TLE1: variants seen among roughly 807,000 people sequenced by gnomAD.
TLE1 encodes the protein transducin-like enhancer protein 1.
TLE1 carries 21 observed loss-of-function variants against 89.8 expected under a neutral mutation model. That is an observed-to-expected ratio of 0.23 (90% CI 0.17 to 0.34). TLE1 has a LOEUF of 0.34. Among genes scored for constraint, TLE1 ranks in the 10% least tolerant of loss-of-function variants. TLE1 has a pLI of 1.00. For missense variants in TLE1, 795 were observed against 1,031.2 expected, an observed-to-expected ratio of 0.77 and a Z score of 3.14; for synonymous variants, 447 against 407.6, an observed-to-expected ratio of 1.10 and a Z score of -1.16.
At chr9:81,624,268 A>G (rs1388537099) in intron 8 of TLE1, among the ~76,000 whole-genome samples, 1 of 152,190 alleles carries the variant, frequency 6.6e-6, no homozygotes, top group Non-Finnish European at 1.5e-5. Flanking sequence ...TTAAATGAAC[A>G]TTTTAAACTC....
intron 14 of TLE1, 147 bp downstream of exon 14, chr9:81,610,073 T>A (rs1388405698): frequency 3.0e-6 from 2 of 663,524 alleles, no homozygotes. Context: ...TGCCTATTTA[T>A]AGAAAGTGTT....
intron 4 of TLE1, among the ~76,000 whole-genome samples, chr9:81,659,553 A>G (rs2132727375): frequency 6.6e-6 from 1 of 152,314 alleles, no homozygotes; most frequent in East Asian, 1.9e-4. Flanking sequence ...AGGCTCCAGC[A>G]ACAAGACTTT....
At chr9:81,646,728 G>A (rs1258694276) in intron 6 of TLE1, among the ~76,000 whole-genome samples, 4 of 152,140 alleles carry the variant, frequency 2.6e-5, no homozygotes, top group African/African-American at 9.7e-5. Flanking sequence ...CAATCTCTTA[G>A]GGATAGACAG....
intron 16 of TLE1, among the ~76,000 whole-genome samples, chr9:81,589,758 T>TA (rs1055479975): frequency 2.4e-4 from 37 of 152,216 alleles, no homozygotes; most frequent in African/African-American, 7.5e-4. Flanking sequence ...TATGGAGTTT[T>TA]AAAAAAAGAA....
Position 81,634,231 on chromosome 9 carries a change from G to A in TLE1, c.443C>T (p.Ser148Leu), listed in dbSNP as rs751064691. 41 of 1,587,498 alleles carry A rather than the reference G, an allele frequency of 2.6e-5. No individual in the cohort carries two copies. Among genetic ancestry groups the A allele is most frequent in the Admixed American group, 1.1e-4 (6 of 56,438 alleles). Reference sequence around the variant, plus strand: ...CGGGATTCCAGGAGGCTGAAGTCCCGAAGGGTGAGGCGTAAGGGGAACTGG... The same window carrying A: ...CGGGATTCCAGGAGGCTGAAGTCCCAAAGGGTGAGGCGTAAGGGGAACTGG... ...GPPVPLTPHP[S>L]GLQPPGIPPL... The change falls in exon 7 of 20, where the codon TCG becomes TTG. Residue 148 changes from serine (S) to leucine (L), a missense_variant. Physicochemically the swap from Ser to Leu is moderately radical, Grantham distance 145 (BLOSUM62 -2). This residue lies in a region of TLE1 where 468 missense variants were observed against 509.1 expected (regional missense o/e 0.92). Coordinates refer to ENST00000376499, the MANE Select transcript of TLE1 (RefSeq NM_005077.5).
intron 14 of TLE1, among the ~76,000 whole-genome samples, chr9:81,602,435 C>T (rs757023247): frequency 1.3e-5 from 2 of 152,154 alleles, no homozygotes; most frequent in Non-Finnish European, 1.5e-5. Context: ...GGGACCCAGT[C>T]TAAACACAAA....
intron 8 of TLE1, among the ~76,000 whole-genome samples, chr9:81,623,060 T>C (rs887161347): frequency 6.6e-6 from 1 of 152,200 alleles, no homozygotes; most frequent in African/African-American, 2.4e-5. Flanking sequence ...AGCAAACAGT[T>C]CCAGCCTAAT....
At chr9:81,632,475 C>CTTTTT (rs11376391) in intron 8 of TLE1, among the ~76,000 whole-genome samples, 6 of 79,904 alleles carry the variant, frequency 7.5e-5, no homozygotes, top group Admixed American at 1.2e-4. Flanking sequence ...TTCAGTATCC[C>CTTTTT]TTTTTTTTTT....
chr9:81,687,323 C>A lies in TLE1; in HGVS notation c.125+11G>T. On this transcript the variant is annotated intron_variant, in intron 2 of 19. Coordinates refer to ENST00000376499, the MANE Select transcript of TLE1 (RefSeq NM_005077.5). Reference sequence around the variant, plus strand: ...CCCGCGACCACTCGCATGGCGCGGCCGGACACGCACCTGTGATACTGCGCC... The same window carrying A: ...CCCGCGACCACTCGCATGGCGCGGCAGGACACGCACCTGTGATACTGCGCC... 6.3e-7 allele frequency: 1 copy of A among 1,595,998 alleles called. No homozygotes were observed. The highest frequency in any genetic ancestry group is 8.5e-7 in the Non-Finnish European group (1 of 1,172,724).
chr9:81,668,290 T>A (rs919573754), intron 4 of TLE1, among the ~76,000 whole-genome samples: 3 of 152,154 alleles, frequency 2.0e-5, no homozygotes, highest in Non-Finnish European at 4.4e-5. Context: ...GTCAAGAAGT[T>A]TTATTTTCTC....
chr9:81,684,045 G>A (rs941832075), intron 4 of TLE1, among the ~76,000 whole-genome samples: 7 of 151,806 alleles, frequency 4.6e-5, no homozygotes, highest in Admixed American at 1.3e-4. Flanking sequence ...GAGTCAATGA[G>A]GTTATTAAAT....
intron 6 of TLE1, among the ~76,000 whole-genome samples, 187 bp from the exon 7 acceptor site, chr9:81,634,488 G>T (rs1019767602): frequency 6.6e-6 from 1 of 151,976 alleles, no homozygotes; most frequent in Non-Finnish European, 1.5e-5. Context: ...GAAAAAATGC[G>T]ATTAGTGCTT....
intron 6 of TLE1, among the ~76,000 whole-genome samples, chr9:81,648,874 C>A (rs1829198290): frequency 6.6e-6 from 1 of 152,166 alleles, no homozygotes. Context: ...CTCAAGGTCT[C>A]AAATGAGTAA....
chr9:81,653,862 C>T, intron 5 of TLE1, 112 bp downstream of exon 5: 1 of 944,648 alleles, frequency 1.1e-6, no homozygotes, highest in Non-Finnish European at 1.7e-6. Flanking sequence ...TCAGCTGTAA[C>T]AGATGTTCTT....
At chr9:81,642,706 AAAAG>A (rs1017437909) in intron 6 of TLE1, among the ~76,000 whole-genome samples, 4 of 137,112 alleles carry the variant, frequency 2.9e-5, no homozygotes, top group Admixed American at 7.6e-5. Flanking sequence ...AAAATGAAAG[AAAAG>A]AAAGAAAGGA....
At chr9:81,621,818 C>A (rs1169609377) in intron 8 of TLE1, among the ~76,000 whole-genome samples, 5 of 152,100 alleles carry the variant, frequency 3.3e-5, no homozygotes, top group African/African-American at 1.2e-4. Flanking sequence ...AAACTGAGGA[C>A]CGGAAGGCAA....
intron 14 of TLE1, among the ~76,000 whole-genome samples, chr9:81,607,903 T>C (rs62578610): frequency 0.19 from 29,385 of 152,242 alleles, 3,724 homozygotes; most frequent in Non-Finnish European, 0.28. Flanking sequence ...TACTGATTCC[T>C]AGTGTAGACA....
At chr9:81,682,742 T>A (rs1305962000) in intron 4 of TLE1, among the ~76,000 whole-genome samples, 1 of 152,194 alleles carries the variant, frequency 6.6e-6, no homozygotes, top group Non-Finnish European at 1.5e-5. Context: ...ACTGCCTCAA[T>A]TTTCCATGAG....
intron 8 of TLE1, among the ~76,000 whole-genome samples, chr9:81,624,328 G>A (rs1339547578): frequency 6.6e-6 from 1 of 151,966 alleles, no homozygotes; most frequent in Admixed American, 6.6e-5. Flanking sequence ...TTTCCACTCA[G>A]AACCCAAAAT....
Sources: gnomAD v4.1 joint callset for allele counts (sites outside exome capture counted in the v4.1 genomes callset) on GRCh38, gnomAD v4.1.1 for gene constraint, gnomAD v4.1.1 regional missense constraint, MANE v1.5 for transcripts, NCBI Gene and HGNC (gene_info 2026-07-23, HGNC 2026-07-21) for gene names.